ZNF385B: variants seen among roughly 807,000 people sequenced by gnomAD.
ZNF385B encodes the protein zinc finger protein 533.
A neutral mutation model predicts 39.2 loss-of-function variants in ZNF385B; 23 were observed. The observed-to-expected ratio is 0.59, with a 90% CI of 0.42 to 0.83. The LOEUF is 0.83. Among genes scored for constraint, ZNF385B ranks in the 40% least tolerant of loss-of-function variants. The probability of loss-of-function intolerance (pLI) is 0.00; values close to 1 mark genes in which losing one functional copy is unlikely to be tolerated. For synonymous variants in ZNF385B, 205 were observed against 222.6 expected (o/e 0.92, Z 0.70); for missense variants, 552 against 598.9 (o/e 0.92, Z 0.82).
At chr2:179,532,095 T>C (rs1363545644) in intron 4 of ZNF385B, among the ~76,000 whole-genome samples, 1 of 152,228 alleles carries the variant, frequency 6.6e-6, no homozygotes, top group Non-Finnish European at 1.5e-5. Flanking sequence ...ATGGTTCAGC[T>C]TGACATTCAA....
At chr2:179,704,912 C>T (rs1211851620) in intron 3 of ZNF385B, among the ~76,000 whole-genome samples, 1 of 152,138 alleles carries the variant, frequency 6.6e-6, no homozygotes, top group Non-Finnish European at 1.5e-5. Flanking sequence ...GGTGCCAATT[C>T]CTTAGAATAC....
rs142217884 is a variant in ZNF385B at position 179,732,394 on chromosome 2, T to C, written c.298+37109A>G. On this transcript the variant is annotated intron_variant, in intron 3 of 9. Coordinates refer to ENST00000410066, the MANE Select transcript of ZNF385B (RefSeq NM_152520.6). ...AGCTGATCATAATAGGAAAAGGGTA[T>C]GTATGACTTGGTGAAAATCCAATAG... 7.6e-4 allele frequency among the ~76,000 whole-genome samples: 116 copies of C among 152,306 alleles called. 4 individuals are homozygous for C. In the East Asian group the frequency reaches 0.019, roughly 26 times the overall value.
intron 1 of ZNF385B, among the ~76,000 whole-genome samples, chr2:179,839,678 A>G (rs143788987): frequency 4.7e-4 from 72 of 152,288 alleles, no homozygotes; most frequent in African/African-American, 1.7e-3. Flanking sequence ...TTAAAGAACT[A>G]TTTACAAGCA....
At chr2:179,631,841 GA>G (rs1691251394) in intron 3 of ZNF385B, among the ~76,000 whole-genome samples, 1 of 150,142 alleles carries the variant, frequency 6.7e-6, no homozygotes, top group South Asian at 2.1e-4. Context: ...CAGGCAAATA[GA>G]AAGCAAAAAA....
At chr2:179,727,940 G>A (rs955010681) in intron 3 of ZNF385B, among the ~76,000 whole-genome samples, 1 of 152,036 alleles carries the variant, frequency 6.6e-6, no homozygotes, top group Non-Finnish European at 1.5e-5. Context: ...ATGTTTAATA[G>A]TAAAATGCAT....
At chr2:179,706,546 C>G (rs948522186) in intron 3 of ZNF385B, among the ~76,000 whole-genome samples, 1 of 152,182 alleles carries the variant, frequency 6.6e-6, no homozygotes, top group Non-Finnish European at 1.5e-5. Flanking sequence ...CTATGTGGGT[C>G]TCTGTCTCTG....
chr2:179,646,758 T>C (rs1291077245), intron 3 of ZNF385B, among the ~76,000 whole-genome samples: 4 of 152,212 alleles, frequency 2.6e-5, no homozygotes, highest in Non-Finnish European at 5.9e-5. Context: ...TTAAATGTCA[T>C]GAATAAACAG....
Position 179,738,244 on chromosome 2 carries a change from A to G in ZNF385B, c.298+31259T>C, listed in dbSNP as rs149477316. ...TTAATTTTACCCAAGAGCTTTATTGAAAAAATATAATTCGAATGTTACATA... is the reference window on the plus strand; with the variant it reads ...TTAATTTTACCCAAGAGCTTTATTGGAAAAATATAATTCGAATGTTACATA... On this transcript the variant is annotated intron_variant, in intron 3 of 9. Transcript: ENST00000410066. Among the ~76,000 whole-genome samples, 60 of 152,306 alleles carry G rather than the reference A, an allele frequency of 3.9e-4. 1 individual carries two copies. In the East Asian group the frequency reaches 0.011, roughly 28 times the overall value.
At chr2:179,645,216 G>A (rs1170201432) in intron 3 of ZNF385B, among the ~76,000 whole-genome samples, 1 of 152,172 alleles carries the variant, frequency 6.6e-6, no homozygotes, top group Non-Finnish European at 1.5e-5. Flanking sequence ...AACAAATTCT[G>A]TCACTTCCAG....
chr2:179,628,164 C>A (rs557897290), intron 3 of ZNF385B, among the ~76,000 whole-genome samples: 5 of 152,200 alleles, frequency 3.3e-5, no homozygotes, highest in Admixed American at 6.5e-5. Flanking sequence ...ATACTATTAT[C>A]GCATGTTAAA....
chr2:179,860,669 T>A (rs1377143662), intron 1 of ZNF385B, among the ~76,000 whole-genome samples: 1 of 151,876 alleles, frequency 6.6e-6, no homozygotes, highest in Non-Finnish European at 1.5e-5. Flanking sequence ...CACACCTCGG[T>A]CCCCTAACTA....
At chr2:179,675,240 A>G (rs1193929427) in intron 3 of ZNF385B, among the ~76,000 whole-genome samples, 1 of 152,224 alleles carries the variant, frequency 6.6e-6, no homozygotes, top group Non-Finnish European at 1.5e-5. Flanking sequence ...TTTACTATTC[A>G]TTAAGTAGAA....
intron 1 of ZNF385B, among the ~76,000 whole-genome samples, chr2:179,833,655 C>A (rs1708098624): frequency 6.6e-6 from 1 of 152,004 alleles, no homozygotes; most frequent in South Asian, 2.1e-4. Flanking sequence ...CCTGGTAGTA[C>A]TGAATATGCC....
intron 6 of ZNF385B, among the ~76,000 whole-genome samples, chr2:179,460,240 G>A (rs564631751): frequency 6.6e-6 from 1 of 152,152 alleles, no homozygotes; most frequent in East Asian, 1.9e-4. Flanking sequence ...AACCTCCTTT[G>A]CAAAGATTGA....
chr2:179,767,058 AGAC>A (rs2106498861), intron 3 of ZNF385B, among the ~76,000 whole-genome samples: 1 of 152,324 alleles, frequency 6.6e-6, no homozygotes, highest in South Asian at 2.1e-4. Context: ...ATATGAGAAC[AGAC>A]GACACAATCT....
At chr2:179,776,453 T>C (rs530159164) in intron 1 of ZNF385B, among the ~76,000 whole-genome samples, 1 of 151,868 alleles carries the variant, frequency 6.6e-6, no homozygotes, top group East Asian at 1.9e-4. Context: ...CTAAGGAGGG[T>C]TTTAGTCCAT....
chr2:179,683,297 C>T (rs999542442), intron 3 of ZNF385B, among the ~76,000 whole-genome samples: 4 of 151,652 alleles, frequency 2.6e-5, no homozygotes, highest in Admixed American at 1.3e-4. Flanking sequence ...GGCTGAGGCA[C>T]GAGAATCACT....
intron 4 of ZNF385B, 142 bp downstream of exon 4, chr2:179,544,685 T>C: frequency 2.0e-6 from 2 of 1,003,564 alleles, no homozygotes; most frequent in Non-Finnish European, 1.5e-6. Context: ...AAGCATCATC[T>C]TTCATAGCAC....
In ZNF385B at chr2:179,795,381, C is replaced by T. The variant is rs866438538; in HGVS notation, c.-154-24709G>A. Among the ~76,000 whole-genome samples, 3 of 152,008 alleles carry T rather than the reference C, an allele frequency of 2.0e-5. No homozygotes were observed. In the South Asian group the frequency reaches 6.2e-4, roughly 32 times the overall value. ...TGGGGGTGAGATCATCCCTTGAAGGCAAAAAGAGAGTAGAGGTAGATGAGA... is the reference window on the plus strand; with the variant it reads ...TGGGGGTGAGATCATCCCTTGAAGGTAAAAAGAGAGTAGAGGTAGATGAGA... On this transcript the variant is annotated intron_variant, in intron 1 of 9. Coordinates refer to ENST00000410066, the MANE Select transcript of ZNF385B (RefSeq NM_152520.6).
Sources: allele counts gnomAD v4.1 joint callset (sites outside exome capture counted in the v4.1 genomes callset), GRCh38; gene constraint gnomAD v4.1.1; transcripts MANE v1.5; gene names NCBI Gene and HGNC (gene_info 2026-07-23, HGNC 2026-07-21).